Variants in CNTLN observed in about 807,000 individuals in gnomAD.
CNTLN encodes centlein, centrosomal protein.
Under a neutral mutation model 180.0 loss-of-function variants are expected in CNTLN, and 212 were observed. That is an observed-to-expected ratio of 1.18 (90% CI 1.05 to 1.32). The LOEUF is 1.32. CNTLN is among the 40% of genes most tolerant of loss of function. The probability of loss-of-function intolerance (pLI) is 0.00; values close to 1 mark genes in which losing one functional copy is unlikely to be tolerated. For missense variants in CNTLN, 2,095 were observed against 1,610.9 expected (o/e 1.30, Z -5.14); for synonymous variants, 722 against 563.1 (o/e 1.28, Z -3.99).
At chr9:17,392,767 A>C (rs1007840318) in intron 14 of CNTLN, among the ~76,000 whole-genome samples, 1 of 152,062 alleles carries the variant, frequency 6.6e-6, no homozygotes, top group African/African-American at 2.4e-5. Context: ...TTAGTAAATT[A>C]ATGTTGATTT....
chr9:17,388,363 A>G (rs1390590418), intron 14 of CNTLN, 110 bp downstream of exon 14: 2 of 660,704 alleles, frequency 3.0e-6, no homozygotes, highest in Non-Finnish European at 4.9e-6. Flanking sequence ...GTGAATCCTT[A>G]ATTTAAATTC....
At chr9:17,403,871 G>C (rs890153177) in intron 15 of CNTLN, among the ~76,000 whole-genome samples, 2 of 151,802 alleles carry the variant, frequency 1.3e-5, no homozygotes, top group Non-Finnish European at 2.9e-5. Flanking sequence ...TGCTTCGCGG[G>C]TTCAAGCGAT....
chr9:17,516,795 A>G, the CNTLN span, among the ~76,000 whole-genome samples: 2 of 152,004 alleles, frequency 1.3e-5, no homozygotes, highest in Non-Finnish European at 2.9e-5. Context: ...CCATATTTTG[A>G]GGTAGCATTT....
intron 23 of CNTLN, among the ~76,000 whole-genome samples, chr9:17,471,285 C>T (rs932726997): frequency 1.3e-5 from 2 of 151,752 alleles, no homozygotes; most frequent in African/African-American, 4.8e-5. Context: ...CATAATGATT[C>T]GATGAAACTA....
At chr9:17,387,821 G>T (rs1825795645) in intron 13 of CNTLN, among the ~76,000 whole-genome samples, 1 of 151,770 alleles carries the variant, frequency 6.6e-6, no homozygotes, top group African/African-American at 2.4e-5. Context: ...TGACTGTGTA[G>T]ATAAAAAGGT....
At chr9:17,501,492 T>C (rs1028081352) in intron 25 of CNTLN, among the ~76,000 whole-genome samples, 20 of 152,210 alleles carry the variant, frequency 1.3e-4, no homozygotes, top group Non-Finnish European at 2.8e-4. Flanking sequence ...GCCATTCTGA[T>C]TGGTTTAATT....
chr9:17,419,121 G>C (rs1255019055), intron 18 of CNTLN, among the ~76,000 whole-genome samples: 1 of 151,740 alleles, frequency 6.6e-6, no homozygotes, highest in East Asian at 1.9e-4. Context: ...TTTTTTGTTT[G>C]TTTGTTTGTT....
intron 12 of CNTLN, among the ~76,000 whole-genome samples, chr9:17,359,675 A>G (rs1329350514): frequency 2.1e-5 from 3 of 144,246 alleles, no homozygotes; most frequent in African/African-American, 7.6e-5. Context: ...AGGTCCGGAG[A>G]TCAAAACCAT....
the CNTLN span, among the ~76,000 whole-genome samples, chr9:17,515,228 T>G: frequency 5.9e-5 from 9 of 152,280 alleles, no homozygotes; most frequent in East Asian, 1.5e-3. Context: ...TGTACCCCAC[T>G]CTTTCATGAA....
chr9:17,219,596 T>A (rs192256184), intron 2 of CNTLN, among the ~76,000 whole-genome samples: 20 of 152,254 alleles, frequency 1.3e-4, no homozygotes, highest in African/African-American at 4.6e-4. Flanking sequence ...TTTTATTTTA[T>A]ATGGCACTTA....
intron 2 of CNTLN, among the ~76,000 whole-genome samples, chr9:17,216,453 G>C (rs939859883): frequency 1.3e-5 from 2 of 152,058 alleles, no homozygotes; most frequent in Admixed American, 1.3e-4. Context: ...GGGAATAAAG[G>C]CAAGATGATT....
chr9:17,165,588 A>G (rs1002544890), intron 2 of CNTLN, among the ~76,000 whole-genome samples: 2 of 141,536 alleles, frequency 1.4e-5, no homozygotes, highest in African/African-American at 5.8e-5. Flanking sequence ...TATAAGGAGC[A>G]TGTAGACTCT....
intron 5 of CNTLN, among the ~76,000 whole-genome samples, chr9:17,252,069 C>A (rs1180348409): frequency 6.6e-6 from 1 of 151,790 alleles, no homozygotes; most frequent in East Asian, 1.9e-4. Context: ...TGATTTCATT[C>A]TTTTTTATGT....
intron 8 of CNTLN, among the ~76,000 whole-genome samples, chr9:17,316,162 G>T (rs1819528596): frequency 6.6e-6 from 1 of 151,628 alleles, no homozygotes; most frequent in Non-Finnish European, 1.5e-5. Context: ...TCTTTTTGAT[G>T]AATCGATTCT....
chr9:17,511,421 T>A, the CNTLN span, among the ~76,000 whole-genome samples: 1 of 152,214 alleles, frequency 6.6e-6, no homozygotes, highest in East Asian at 1.9e-4. Context: ...CTGGGTCCTC[T>A]GACACTGGAT....
intron 23 of CNTLN, among the ~76,000 whole-genome samples, chr9:17,481,466 G>T (rs868059832): frequency 1.3e-5 from 2 of 152,152 alleles, no homozygotes; most frequent in South Asian, 4.1e-4. Context: ...TGGGAGTCCT[G>T]TAACAACACT....
In CNTLN at chr9:17,464,484, T is replaced by A. The variant is rs1490768224; in HGVS notation, c.3405-13T>A. The A allele has an allele frequency of 1.3e-5, 20 of 1,537,400 alleles. No individual in the cohort carries two copies. The highest frequency in any genetic ancestry group is 2.5e-5 in the Admixed American group (1 of 40,744). On this transcript the variant is annotated splice_polypyrimidine_tract_variant and intron_variant, in intron 20 of 25. Coordinates refer to ENST00000380647, the MANE Select transcript of CNTLN (RefSeq NM_017738.4). ...TTTCTGTCACTCTTGATGTCACCTT[T>A]TTTTTTTTCAAGGATATCTCGAATG... is the stretch of plus-strand genomic sequence containing the variant.
chr9:17,348,190 A>G (rs975557460), intron 12 of CNTLN, among the ~76,000 whole-genome samples: 12 of 152,130 alleles, frequency 7.9e-5, no homozygotes, highest in Non-Finnish European at 1.3e-4. Context: ...CAGCCTGGGA[A>G]AAGATCAGAA....
In CNTLN at chr9:17,366,645, C is replaced by G; in HGVS notation, c.1915C>G (p.Leu639Val). ...GAATCTTGAAGAAGAATTAGATGAA[C>G]TTAAAGTACATATATCTATTGATAA... is the stretch of plus-strand genomic sequence containing the variant. Reference protein sequence around the residue: ...KMNLEEELDELKVHISIDKAA... With the variant: ...KMNLEEELDEVKVHISIDKAA... Residue 639 changes from leucine (L) to valine (V), a missense_variant, in exon 13 of 26, where the codon CTT (leucine) becomes GTT (valine). By Grantham distance (32) the Leu-to-Val change is conservative. Coordinates refer to ENST00000380647, the MANE Select transcript of CNTLN (RefSeq NM_017738.4). 6.4e-7 allele frequency: 1 copy of G among 1,563,708 alleles called. No individual in the cohort carries two copies. Among genetic ancestry groups the G allele is most frequent in the Non-Finnish European group, 8.8e-7 (1 of 1,142,006 alleles).
Sources: gnomAD v4.1 joint callset for allele counts (sites outside exome capture counted in the v4.1 genomes callset) on GRCh38, gnomAD v4.1.1 for gene constraint, MANE v1.5 for transcripts, NCBI Gene and HGNC (gene_info 2026-07-23, HGNC 2026-07-21) for gene names.